HMCN2: variants seen among roughly 807,000 people sequenced by gnomAD.
HMCN2 encodes hemicentin 2.
HMCN2 carries 325 observed loss-of-function variants against 377.5 expected under a neutral mutation model. The observed-to-expected ratio is 0.86, with a 90% CI of 0.79 to 0.94. The LOEUF is 0.94. Ranked by LOEUF, HMCN2 falls within the 40% of genes least tolerant of loss-of-function variation. The probability of loss-of-function intolerance (pLI) is 0.00; values close to 1 mark genes in which losing one functional copy is unlikely to be tolerated. For synonymous variants in HMCN2, 2,007 were observed against 2,046.8 expected (o/e 0.98, Z 0.53); for missense variants, 4,543 against 4,725.3 (o/e 0.96, Z 1.13).
intron 8 of HMCN2, among the ~76,000 whole-genome samples, chr9:130,299,864 C>CATCT (rs781929246): frequency 6.8e-6 from 1 of 147,492 alleles, no homozygotes; most frequent in Non-Finnish European, 1.5e-5. Context: ...CTCACCCATC[C>CATCT]ACCCACCCAT....
chr9:130,366,024 C>T, intron 43 of HMCN2, 29 bp downstream of exon 43: 9 of 986,026 alleles, frequency 9.1e-6, no homozygotes, highest in Non-Finnish European at 1.1e-5. Flanking sequence ...CCCAGCCCCA[C>T]CTCATTGCCA....
At chr9:130,307,684 C>T (rs560563424) in intron 14 of HMCN2, 118 bp downstream of exon 14, 33 of 432,786 alleles carry the variant, frequency 7.6e-5, no homozygotes, top group Non-Finnish European at 1.1e-4. Context: ...TGCTCCCCGC[C>T]GCCCTGACCC....
chr9:130,295,436 G>A (rs1330704733), intron 5 of HMCN2, among the ~76,000 whole-genome samples: 2 of 152,072 alleles, frequency 1.3e-5, no homozygotes, highest in Non-Finnish European at 2.9e-5. Flanking sequence ...ATGGTGTTCT[G>A]AGGATGTCAT....
chr9:130,277,033 C>G (rs552888666), intron 1 of HMCN2, among the ~76,000 whole-genome samples: 1 of 152,382 alleles, frequency 6.6e-6, no homozygotes, highest in African/African-American at 2.4e-5. Context: ...CTGACTGCAG[C>G]CTTGACCGTG....
Position 130,359,389 on chromosome 9 carries a change from T to C in HMCN2, c.5748T>C (p.Cys1916=). The C allele has an allele frequency of 7.7e-7, 1 of 1,303,490 alleles. No homozygotes were observed. The highest frequency in any genetic ancestry group is 1.2e-5 in the South Asian group (1 of 80,964). The allele number at this position is 1,303,490 out of a possible 1,614,324, so 80.7% of individuals were successfully genotyped here. A position where few individuals can be genotyped will look rare whatever the true frequency, so the allele number is the denominator to read the frequency against. ...AAAATGCCTCAGTGACCTTGGAGTG[T>C]CTGGCTTCGGGCGTGCCCCCTCCTG... ...VLENASVTLE[C]LASGVPPPDV... Residue 1916 remains cysteine, a synonymous_variant, in exon 37 of 98, where the codon TGT becomes TGC. Transcript: ENST00000683500.
chr9:130,289,197 T>G (rs1835596432), intron 4 of HMCN2, among the ~76,000 whole-genome samples: 1 of 152,152 alleles, frequency 6.6e-6, no homozygotes, highest in South Asian at 2.1e-4. Context: ...ACCCCACAAC[T>G]CACACGTTCC....
Position 130,386,449 on chromosome 9 carries a change from G to A in HMCN2, c.9316G>A (p.Asp3106Asn), listed in dbSNP as rs558992393. The change falls in exon 61 of 98, where the codon GAT (aspartate) becomes AAT (asparagine). Residue 3106 changes from aspartate to asparagine, a missense_variant. By Grantham distance (23) the Asp-to-Asn change is conservative. Coordinates refer to ENST00000683500, the MANE Select transcript of HMCN2 (RefSeq NM_001291815.2). ...TGTGCTCTTCCTCTTTCAGGTATCG[G>A]ATAAAGGTTTATACAGCTGTAAAGT... is the stretch of plus-strand genomic sequence containing the variant. Reference protein sequence around the residue: ...RLEIQEAQVSDKGLYSCKVSN... With the variant: ...RLEIQEAQVSNKGLYSCKVSN... 7.7e-7 allele frequency: 1 copy of A among 1,303,520 alleles called. No homozygotes were observed. The highest frequency in any genetic ancestry group is 2.3e-5 in the Admixed American group (1 of 43,544). 80.7% of individuals were successfully genotyped at this position (1,303,520 alleles called of 1,614,324 possible). A position where few individuals can be genotyped will look rare whatever the true frequency, so the allele number is the denominator to read the frequency against.
chr9:130,397,863 T>G (rs145600762), intron 74 of HMCN2, among the ~76,000 whole-genome samples: 1 of 151,998 alleles, frequency 6.6e-6, no homozygotes, highest in Non-Finnish European at 1.5e-5. Flanking sequence ...AGAACAGCGA[T>G]TCGATTAAGT....
At chr9:130,348,045 G>A in intron 26 of HMCN2, 1 of 985,370 alleles carries the variant, frequency 1.0e-6, no homozygotes, top group Non-Finnish European at 1.2e-6. Flanking sequence ...GGCAGTGTGG[G>A]TGGGCTGGGG....
chr9:130,335,341 TA>T (rs1838689081), intron 22 of HMCN2, among the ~76,000 whole-genome samples: 1 of 152,116 alleles, frequency 6.6e-6, no homozygotes, highest in South Asian at 2.1e-4. Flanking sequence ...TTTAATTTTT[TA>T]AAAAGCTGTA....
intron 26 of HMCN2, 140 bp from the exon 27 acceptor site, chr9:130,348,405 C>T (rs971627973): frequency 6.6e-6 from 8 of 1,208,024 alleles, no homozygotes; most frequent in Middle Eastern, 3.7e-4. Flanking sequence ...CCACAGGACC[C>T]TTTGTGGCTG....
chr9:130,302,049 C>CTTT (rs60456645), intron 8 of HMCN2, among the ~76,000 whole-genome samples: 8 of 147,478 alleles, frequency 5.4e-5, no homozygotes, highest in Admixed American at 1.3e-4. Flanking sequence ...TCTAGCTGTG[C>CTTT]TTTTTTTTTT....
chr9:130,428,498 G>A lies in HMCN2; in HGVS notation c.14197+9G>A, dbSNP rs998911099. 8 of 1,538,310 alleles carry A rather than the reference G, an allele frequency of 5.2e-6. No homozygotes were observed. The highest frequency in any genetic ancestry group is 1.2e-5 in the South Asian group (1 of 84,052). On this transcript the variant is annotated intron_variant, in intron 93 of 97. Transcript: ENST00000683500. This position sits in a 1 kb window ranked among gnomAD's most constrained non-coding sequence, Gnocchi z 5.0. ...TGGGGCCGGCTGTGAAGGTGATGGG[G>A]GCACAGCATGCGGCCTGTCCATACT...
chr9:130,344,692 G>T (rs1045645404), intron 25 of HMCN2, among the ~76,000 whole-genome samples: 3 of 149,342 alleles, frequency 2.0e-5, no homozygotes, highest in Non-Finnish European at 4.5e-5. Flanking sequence ...TGTGTATGTA[G>T]TGTGTGTGTA....
At chr9:130,357,562 T>A (rs944095348) in intron 34 of HMCN2, among the ~76,000 whole-genome samples, 3 of 151,972 alleles carry the variant, frequency 2.0e-5, no homozygotes, top group Admixed American at 2.0e-4. Flanking sequence ...GACAGAAGGA[T>A]AGGTAGATGA....
At position 130,383,486 on chromosome 9, in the gene HMCN2, G is replaced by A. The variant is rs1392389589; in HGVS notation, c.8734-18G>A. Reference sequence around the variant, plus strand: ...GGGGTCTCAGGTATCTCCCAGGCATGGCTCCCTGCACCCACAGGTTTCCAC... The same window carrying A: ...GGGGTCTCAGGTATCTCCCAGGCATAGCTCCCTGCACCCACAGGTTTCCAC... On this transcript the variant is annotated intron_variant, in intron 56 of 97. Coordinates refer to ENST00000683500, the MANE Select transcript of HMCN2 (RefSeq NM_001291815.2). 4 of 982,920 alleles carry A rather than the reference G, an allele frequency of 4.1e-6. No individual in the cohort carries two copies. The African/African-American group carries it at 7.0e-5, about 17-fold the overall frequency. The allele number at this position is 982,920 out of a possible 1,614,324, so 60.9% of individuals were successfully genotyped here. A position where few individuals can be genotyped will look rare whatever the true frequency, so the allele number is the denominator to read the frequency against.
intron 14 of HMCN2, 116 bp downstream of exon 14, chr9:130,307,682 G>A (rs923291857): frequency 4.6e-6 from 2 of 434,986 alleles, no homozygotes; most frequent in African/African-American, 2.0e-5. Flanking sequence ...TCTGCTCCCC[G>A]CCGCCCTGAC....
intron 22 of HMCN2, among the ~76,000 whole-genome samples, chr9:130,334,742 CTCTT>C (rs1448067325): frequency 5.9e-4 from 72 of 121,438 alleles, no homozygotes; most frequent in African/African-American, 1.8e-3. Flanking sequence ...CTCTCTCTTT[CTCTT>C]TCTCTCTCTC....
chr9:130,368,624 T>G (rs1840831606), intron 44 of HMCN2, among the ~76,000 whole-genome samples, 187 bp downstream of exon 44: 1 of 152,076 alleles, frequency 6.6e-6, no homozygotes, highest in South Asian at 2.1e-4. Flanking sequence ...CTGGCTAATT[T>G]ATAAACGAGA....
Sources: gnomAD v4.1 joint callset for allele counts (sites outside exome capture counted in the v4.1 genomes callset) on GRCh38, gnomAD v4.1.1 for gene constraint, Gnocchi (gnomAD v3.1) non-coding constraint, MANE v1.5 for transcripts, NCBI Gene and HGNC (gene_info 2026-07-23, HGNC 2026-07-21) for gene names.